MTREX: variants seen among roughly 807,000 people sequenced by gnomAD.
MTREX encodes exosome RNA helicase MTR4.
In MTREX, 76 loss-of-function variants were observed where a neutral mutation model predicts 135.4. The ratio of observed to expected loss-of-function variants is 0.56; its 90% CI spans 0.47 to 0.68. The LOEUF (loss-of-function observed/expected upper bound fraction) is 0.68, where lower values mean the gene tolerates loss of function less well. Ranked by LOEUF, MTREX falls within the 30% of genes least tolerant of loss-of-function variation. The pLI is 0.00. For missense variants in MTREX, 920 were observed against 1,262.1 expected (o/e 0.73, Z 4.11); for synonymous variants, 404 against 401.6 (o/e 1.01, Z -0.07).
At chr5:55,422,824 C>A in intron 25 of MTREX, 54 bp from the exon 26 acceptor site, 1 of 1,429,790 alleles carries the variant, frequency 7.0e-7, no homozygotes, top group Non-Finnish European at 9.7e-7. Flanking sequence ...AACAAAAATT[C>A]TGCTGTTCCT....
chr5:55,397,516 A>G lies in MTREX; in HGVS notation c.2282A>G (p.Lys761Arg). 6.3e-7 allele frequency: 1 copy of G among 1,594,694 alleles called. No homozygotes were observed. Among genetic ancestry groups the G allele is most frequent in the Non-Finnish European group, 8.6e-7 (1 of 1,163,786 alleles). The change falls in exon 20 of 27, where the codon AAA becomes AGA. Residue 761 changes from lysine to arginine, a missense_variant. Physicochemically the swap from Lys to Arg is conservative, Grantham distance 26. This residue lies in a region of MTREX where 467 missense variants were observed against 589.7 expected (regional missense o/e 0.79). Transcript: ENST00000230640. ...RPVDNRQSVL[K>R]SIQEVQKRFP... ...GTGGACAATAGACAGAGTGTTTTAAAATCAATACAGGTATGTGTTAATTTC... is the reference window on the plus strand; with the variant it reads ...GTGGACAATAGACAGAGTGTTTTAAGATCAATACAGGTATGTGTTAATTTC...
At position 55,366,257 on chromosome 5, in the gene MTREX, A is replaced by G. The variant is rs557485490; in HGVS notation, c.1660-468A>G. ...TAATCCCATCATTTTGGGAGGCTGA[A>G]GTTGGAGGATTGAGCCAACCCAGGA... On this transcript the variant is annotated intron_variant, in intron 15 of 26. Transcript: ENST00000230640. Among the ~76,000 whole-genome samples the G allele has an allele frequency of 5.3e-5, 8 of 152,306 alleles. No individual in the cohort carries two copies. The East Asian group carries it at 1.5e-3, about 29-fold the overall frequency.
At chr5:55,337,425 G>T (rs1008276382) in intron 5 of MTREX, among the ~76,000 whole-genome samples, 8 of 152,138 alleles carry the variant, frequency 5.3e-5, no homozygotes, top group African/African-American at 1.9e-4. Context: ...GATTACAGGT[G>T]TGAGCCACTG....
At chr5:55,336,796 A>T (rs556481331) in intron 5 of MTREX, among the ~76,000 whole-genome samples, 2 of 152,170 alleles carry the variant, frequency 1.3e-5, no homozygotes, top group African/African-American at 2.4e-5. Flanking sequence ...TGTATTTTCA[A>T]TCCTCAGAAC....
rs112939672 is a variant in MTREX, at chr5:55,393,379, G to A, written c.2182-4037G>A. Among the ~76,000 whole-genome samples the A allele has an allele frequency of 5.9e-3, 891 of 152,220 alleles. 8 individuals are homozygous for A. Among genetic ancestry groups the A allele is most frequent in the African/African-American group, 0.021 (858 of 41,536 alleles). On this transcript the variant is annotated intron_variant, in intron 19 of 26. Coordinates refer to ENST00000230640, the MANE Select transcript of MTREX (RefSeq NM_015360.5). ...CTGACACAAATCCAGTTTTTTAATTGCAAATTAATCAATAGCACATTGGTT... is the reference window on the plus strand; with the variant it reads ...CTGACACAAATCCAGTTTTTTAATTACAAATTAATCAATAGCACATTGGTT...
intron 22 of MTREX, among the ~76,000 whole-genome samples, chr5:55,407,422 C>G (rs937771622): frequency 5.3e-5 from 8 of 152,084 alleles, no homozygotes; most frequent in Non-Finnish European, 1.2e-4. Flanking sequence ...TAATAATTAC[C>G]TGTTTTACAA....
At chr5:55,348,283 A>G (rs1259734053) in intron 11 of MTREX, among the ~76,000 whole-genome samples, 1 of 152,096 alleles carries the variant, frequency 6.6e-6, no homozygotes, top group South Asian at 2.1e-4. Context: ...AGGAACGCAT[A>G]CCAGTGATAA....
intron 15 of MTREX, 87 bp from the exon 16 acceptor site, chr5:55,366,638 A>G (rs1157167287): frequency 1.1e-6 from 1 of 925,014 alleles, no homozygotes; most frequent in Non-Finnish European, 1.5e-6. Context: ...CTTAATGTAG[A>G]CTGTTATTGA....
intron 23 of MTREX, 67 bp from the exon 24 acceptor site, chr5:55,414,115 G>C (rs230766): frequency 9.3e-7 from 1 of 1,076,844 alleles, no homozygotes; most frequent in Non-Finnish European, 1.3e-6. Context: ...TTGTTAAAAC[G>C]GGTAGTGTGA....
At chr5:55,423,772 C>G (rs1182260761) in intron 26 of MTREX, 1 of 152,202 alleles carries the variant, frequency 6.6e-6, no homozygotes, top group African/African-American at 2.4e-5. Context: ...TCTACTGACT[C>G]TTGACCAAGA....
chr5:55,380,325 A>G (rs930408522), intron 18 of MTREX, among the ~76,000 whole-genome samples: 2 of 152,112 alleles, frequency 1.3e-5, no homozygotes, highest in African/African-American at 4.8e-5. Context: ...GACATTTAGT[A>G]TATTTGCAGA....
intron 16 of MTREX, among the ~76,000 whole-genome samples, chr5:55,372,735 A>G (rs1750223591): frequency 6.6e-6 from 1 of 152,232 alleles, no homozygotes; most frequent in South Asian, 2.1e-4. Context: ...TACAAAAAGT[A>G]ACTCAGATAA....
chr5:55,312,137 A>T (rs1355896750), intron 1 of MTREX, among the ~76,000 whole-genome samples: 2 of 152,194 alleles, frequency 1.3e-5, no homozygotes, highest in Admixed American at 6.6e-5. Context: ...GTACTTGCAC[A>T]GTGGCGATTT....
intron 1 of MTREX, among the ~76,000 whole-genome samples, chr5:55,316,447 G>C (rs1749199686): frequency 1.3e-5 from 2 of 152,118 alleles, no homozygotes; most frequent in Non-Finnish European, 1.5e-5. Context: ...GACCAAGTAG[G>C]CTTCATCCCC....
chr5:55,376,364 C>T (rs1750300766), intron 16 of MTREX, among the ~76,000 whole-genome samples: 1 of 152,196 alleles, frequency 6.6e-6, no homozygotes, highest in Non-Finnish European at 1.5e-5. Flanking sequence ...AGCCAAATAA[C>T]AGACTGTCTT....
intron 8 of MTREX, 53 bp downstream of exon 8, chr5:55,343,508 G>A: frequency 1.3e-6 from 2 of 1,514,062 alleles, no homozygotes; most frequent in South Asian, 1.2e-5. Context: ...TTACAGATTA[G>A]TCTTGCTTTA....
chr5:55,400,980 A>G (rs750172852), intron 21 of MTREX, among the ~76,000 whole-genome samples: 8 of 152,166 alleles, frequency 5.3e-5, no homozygotes, highest in Non-Finnish European at 1.0e-4. Flanking sequence ...GTCATAGCAT[A>G]AATCAGTACT....
intron 5 of MTREX, among the ~76,000 whole-genome samples, chr5:55,332,048 A>G (rs1431795345): frequency 2.0e-5 from 3 of 152,182 alleles, no homozygotes; most frequent in African/African-American, 7.2e-5. Flanking sequence ...TCTAAAATAT[A>G]TTTAATAACT....
chr5:55,318,948 T>G (rs922293491), intron 1 of MTREX, among the ~76,000 whole-genome samples: 8 of 152,136 alleles, frequency 5.3e-5, no homozygotes, highest in African/African-American at 1.9e-4. Context: ...AGAAAATATA[T>G]AAGAATGGCA....
Sources: gnomAD v4.1 joint callset for allele counts (sites outside exome capture counted in the v4.1 genomes callset) on GRCh38, gnomAD v4.1.1 for gene constraint, gnomAD v4.1.1 regional missense constraint, MANE v1.5 for transcripts, NCBI Gene and HGNC (gene_info 2026-07-23, HGNC 2026-07-21) for gene names.